The following PELP1 variants were observed in gnomAD, a reference collection of about 807,000 sequenced individuals.
The protein encoded by PELP1 is proline-, glutamic acid- and leucine-rich protein 1.
A neutral mutation model predicts 95.5 loss-of-function variants in PELP1; 32 were observed. The observed-to-expected ratio is 0.34, with a 90% CI of 0.25 to 0.45. The LOEUF (loss-of-function observed/expected upper bound fraction) is 0.45. Among genes scored for constraint, PELP1 ranks in the 20% least tolerant of loss-of-function variants. The pLI is 1.00. For synonymous variants in PELP1, 668 were observed against 600.1 expected (o/e 1.11, Z -1.65); for missense variants, 1,358 against 1,444.8 (o/e 0.94, Z 0.97).
chr17:4,676,928 A>C, intron 5 of PELP1, 116 bp from the exon 6 acceptor site: 1 of 774,030 alleles, frequency 1.3e-6, no homozygotes, highest in Non-Finnish European at 2.2e-6. Context: ...TCCTGTAGAC[A>C]CAAGAAGCAA....
intron 1 of PELP1, 49 bp downstream of exon 1, chr17:4,703,814 C>A (rs188382496): frequency 1.3e-6 from 2 of 1,509,134 alleles, no homozygotes; most frequent in South Asian, 2.4e-5. Flanking sequence ...CGCACAGGTG[C>A]CGCGCCATCC....
At chr17:4,686,297 C>T (rs959604841) in intron 3 of PELP1, among the ~76,000 whole-genome samples, 1 of 152,200 alleles carries the variant, frequency 6.6e-6, no homozygotes, top group Non-Finnish European at 1.5e-5. Flanking sequence ...TCACCCTGGA[C>T]ATGTGTTCTA....
chr17:4,682,904 C>T lies in PELP1; in HGVS notation c.469G>A (p.Asp157Asn). 1.3e-6 allele frequency: 2 copies of T among 1,579,754 alleles called. No homozygotes were observed. The highest frequency in any genetic ancestry group is 1.7e-6 in the Non-Finnish European group (2 of 1,165,846). Residue 157 changes from aspartate (D) to asparagine (N), a missense_variant, in exon 4 of 17, where the codon GAC (aspartate) becomes AAC (asparagine). Asp to Asn is a conservative substitution (Grantham distance 23). This residue lies in a region of PELP1 where 538 missense variants were observed against 628.1 expected (regional missense o/e 0.86). Coordinates refer to ENST00000572293, the MANE Select transcript of PELP1 (RefSeq NM_014389.3). ...AGCTGGGCTGCATATCGGAGGAGGT[C>T]CCTCAGGACAGCCACGGCCAGCTCC... ...TMELAVAVLR[D>N]LLRYAAQLPA...
chr17:4,671,204 C>A lies in PELP1; in HGVS notation c.*235G>T. The A allele has an allele frequency of 1.8e-6, 1 of 559,908 alleles. No individual in the cohort carries two copies. Among genetic ancestry groups the A allele is most frequent in the Non-Finnish European group, 3.2e-6 (1 of 314,758 alleles). The allele number at this position is 559,908 out of a possible 1,614,324, so 34.7% of individuals were successfully genotyped here. ...TCCAGCCAGAATCCTACAATTCTGACACCATCGTGCTGAGTGATGGGACAG... is the reference window on the plus strand; with the variant it reads ...TCCAGCCAGAATCCTACAATTCTGAAACCATCGTGCTGAGTGATGGGACAG... On this transcript the variant is annotated 3_prime_UTR_variant, in exon 17 of 17. Coordinates refer to ENST00000572293, the MANE Select transcript of PELP1 (RefSeq NM_014389.3).
chr17:4,695,666 TTA>T (rs199985317), intron 1 of PELP1, among the ~76,000 whole-genome samples: 4,881 of 42,728 alleles, frequency 0.11, 147 homozygotes, highest in Middle Eastern at 0.26. Context: ...ACCCTCTCTC[TTA>T]AAAAAAAAAA....
At chr17:4,700,602 G>C (rs1323745672) in intron 1 of PELP1, among the ~76,000 whole-genome samples, 1 of 151,980 alleles carries the variant, frequency 6.6e-6, no homozygotes, top group Admixed American at 6.6e-5. Context: ...AGAATATACA[G>C]GATAAATGAC....
chr17:4,702,521 A>C (rs1913581144), intron 1 of PELP1, among the ~76,000 whole-genome samples: 1 of 152,228 alleles, frequency 6.6e-6, no homozygotes, highest in Admixed American at 6.5e-5. Context: ...GAAGAGGGGA[A>C]TTTAGAGACA....
rs1232533815 is a variant in PELP1, at chr17:4,675,953, T to C, written c.981-69A>G. The C allele has an allele frequency of 1.3e-6, 2 of 1,593,176 alleles. No individual in the cohort carries two copies. Among genetic ancestry groups the C allele is most frequent in the South Asian group, 1.1e-5 (1 of 88,926 alleles). On this transcript the variant is annotated intron_variant, in intron 8 of 16. Transcript: ENST00000572293. The surrounding 1 kb of genome is among the most constrained non-coding windows in gnomAD (Gnocchi z 4.3). Reference sequence around the variant, plus strand: ...GGCATAACTCCCACACCCACCTTCATCTCCTTTCTCCTGATGAAGGCGACA... The same window carrying C: ...GGCATAACTCCCACACCCACCTTCACCTCCTTTCTCCTGATGAAGGCGACA...
chr17:4,683,442 G>T (rs371654093), intron 3 of PELP1, among the ~76,000 whole-genome samples: 3 of 150,198 alleles, frequency 2.0e-5, no homozygotes, highest in South Asian at 2.1e-4. Flanking sequence ...GGATGGTCTC[G>T]ATCTCCGACC....
rs572446918 is a variant in PELP1 at position 4,682,660 on chromosome 17, C to G, written c.571-87G>C. On this transcript the variant is annotated intron_variant, in intron 4 of 16. Coordinates refer to ENST00000572293, the MANE Select transcript of PELP1 (RefSeq NM_014389.3). ...CCCCCAGCACCCCACAAGGGCCCTT[C>G]TCCAGAAATCACTTTTTCTTGGCCC... 1.2e-5 allele frequency: 17 copies of G among 1,437,472 alleles called. No homozygotes were observed. The African/African-American group carries it at 1.4e-4, about 12-fold the overall frequency. 89.0% of individuals were successfully genotyped at this position (1,437,472 alleles called of 1,614,324 possible). A position where few individuals can be genotyped will look rare whatever the true frequency, so the allele number is the denominator to read the frequency against.
intron 3 of PELP1, among the ~76,000 whole-genome samples, chr17:4,683,414 G>A (rs1314806287): frequency 3.3e-5 from 5 of 151,448 alleles, no homozygotes; most frequent in Non-Finnish European, 1.5e-5. Context: ...TAGAGACGGG[G>A]TTTCACTATG....
chr17:4,702,493 T>C (rs1225704153), intron 1 of PELP1, among the ~76,000 whole-genome samples: 2 of 152,092 alleles, frequency 1.3e-5, no homozygotes, highest in African/African-American at 2.4e-5. Flanking sequence ...AACTGACTGA[T>C]GAAAACCACA....
At chr17:4,677,841 G>T (rs1409462562) in intron 5 of PELP1, among the ~76,000 whole-genome samples, 3 of 151,102 alleles carry the variant, frequency 2.0e-5, no homozygotes, top group Admixed American at 6.6e-5. Flanking sequence ...GAGGTGGGAG[G>T]ACCACCCAAG....
intron 3 of PELP1, among the ~76,000 whole-genome samples, chr17:4,689,459 T>C (rs1473348457): frequency 3.3e-5 from 5 of 151,896 alleles, no homozygotes; most frequent in Non-Finnish European, 2.9e-5. Context: ...TACAAAGAAT[T>C]CAAACAAATC....
intron 1 of PELP1, among the ~76,000 whole-genome samples, chr17:4,696,229 G>A (rs1246558924): frequency 1.3e-5 from 2 of 152,142 alleles, no homozygotes; most frequent in African/African-American, 4.8e-5. Flanking sequence ...CTACTTGGGA[G>A]GCTAAGGTGG....
Position 4,703,909 on chromosome 17 carries a change from C to A in PELP1, c.203G>T (p.Gly68Val), listed in dbSNP as rs769241489. 3.1e-6 allele frequency: 5 copies of A among 1,613,484 alleles called. No individual in the cohort carries two copies. The highest frequency in any genetic ancestry group is 2.2e-5 in the South Asian group (2 of 91,074). ...ATGCAGCCGCAATAGGCACATGAGC[C>A]CGGGCAAATGTGGGGCCGAGCGGTT... ...PPNRSAPHLP[G>V]LMCLLRLHGS... Residue 68 changes from glycine (G) to valine (V), a missense_variant, in exon 1 of 17, where the codon GGG (glycine) becomes GTG (valine). Physicochemically the swap from Gly to Val is moderately radical, Grantham distance 109. This residue lies in a region of PELP1 where 169 missense variants were observed against 134.9 expected (regional missense o/e 1.25). Coordinates refer to ENST00000572293, the MANE Select transcript of PELP1 (RefSeq NM_014389.3).
At chr17:4,701,936 A>G (rs893428151) in intron 1 of PELP1, among the ~76,000 whole-genome samples, 3 of 152,198 alleles carry the variant, frequency 2.0e-5, no homozygotes, top group African/African-American at 7.2e-5. Flanking sequence ...GGGCGGCCCT[A>G]GTTTCCCACA....
intron 7 of PELP1, 83 bp downstream of exon 7, chr17:4,676,274 C>T (rs1912472365): frequency 6.3e-7 from 1 of 1,577,534 alleles, no homozygotes; most frequent in African/African-American, 1.4e-5. Flanking sequence ...AACCAACTGC[C>T]CCATGTCTCT....
At position 4,674,747 on chromosome 17, in the gene PELP1, AGCAG is replaced by A. The variant is rs1912384978; in HGVS notation, c.1422+58_1422+61del. 1.9e-6 allele frequency: 3 copies of A among 1,586,490 alleles called. No homozygotes were observed. The South Asian group carries it at 3.4e-5, about 18-fold the overall frequency. On this transcript the variant is annotated intron_variant, in intron 12 of 16. Coordinates refer to ENST00000572293, the MANE Select transcript of PELP1 (RefSeq NM_014389.3). ...CAGCCACAGCAGACAGTGTTTCCTG[AGCAG>A]GCACACTTGGTCAAAGGGCACAGGA...
Sources: gnomAD v4.1 joint callset for allele counts (sites outside exome capture counted in the v4.1 genomes callset) on GRCh38, gnomAD v4.1.1 for gene constraint, gnomAD v4.1.1 regional missense constraint, Gnocchi (gnomAD v3.1) non-coding constraint, MANE v1.5 for transcripts, NCBI Gene and HGNC (gene_info 2026-07-23, HGNC 2026-07-21) for gene names.